DDB2: variants seen among roughly 807,000 people sequenced by gnomAD.
The protein encoded by DDB2 is DNA damage-binding protein 2.
Under a neutral mutation model 50.5 loss-of-function variants are expected in DDB2, and 27 were observed. The observed-to-expected ratio is 0.53, with a 90% CI of 0.39 to 0.74. The LOEUF is 0.74. DDB2 is among the 30% of genes least tolerant of loss of function. DDB2 has a pLI of 0.00. For synonymous variants in DDB2, 176 were observed against 205.5 expected, an observed-to-expected ratio of 0.86 and a Z score of 1.23; for missense variants, 424 against 545.6, an observed-to-expected ratio of 0.78 and a Z score of 2.22.
chr11:47,230,581 G>C (rs867613086), intron 3 of DDB2, among the ~76,000 whole-genome samples: 2 of 152,144 alleles, frequency 1.3e-5, no homozygotes, highest in African/African-American at 4.8e-5. Flanking sequence ...GGAGGGAGCC[G>C]AAGATTGTCA....
chr11:47,219,589 A>G (rs1222768033), intron 3 of DDB2, among the ~76,000 whole-genome samples: 1 of 151,972 alleles, frequency 6.6e-6, no homozygotes, highest in African/African-American at 2.4e-5. Context: ...GCCTCAAGCA[A>G]TCCTTCTGTC....
At chr11:47,226,976 T>G (rs1160153084) in intron 3 of DDB2, among the ~76,000 whole-genome samples, 1 of 152,008 alleles carries the variant, frequency 6.6e-6, no homozygotes, top group Non-Finnish European at 1.5e-5. Flanking sequence ...AAAAAATTTT[T>G]TTTTATAGAG....
chr11:47,219,155 C>T (rs1354041614), intron 3 of DDB2, among the ~76,000 whole-genome samples: 1 of 152,092 alleles, frequency 6.6e-6, no homozygotes, highest in Admixed American at 6.6e-5. Flanking sequence ...GTGTTAGCCA[C>T]GATGGTCTCT....
intron 3 of DDB2, 98 bp downstream of exon 3, chr11:47,217,147 G>A: frequency 9.8e-7 from 1 of 1,018,612 alleles, no homozygotes. Context: ...AGGCCAAGGT[G>A]GGTGGATCAC....
intron 3 of DDB2, chr11:47,220,743 C>T (rs1177186148): frequency 1.3e-5 from 2 of 152,240 alleles, no homozygotes; most frequent in African/African-American, 4.8e-5. Context: ...AACAGTGCCT[C>T]ATTTTGTCAC....
chr11:47,231,724 T>C (rs1174301149), intron 3 of DDB2, among the ~76,000 whole-genome samples: 1 of 151,538 alleles, frequency 6.6e-6, no homozygotes, highest in Non-Finnish European at 1.5e-5. Context: ...CTCCCTATAT[T>C]GCTTAGGCTG....
chr11:47,235,532 C>T (rs892728354), intron 7 of DDB2, 120 bp downstream of exon 7: 22 of 1,058,058 alleles, frequency 2.1e-5, no homozygotes, highest in East Asian at 2.1e-4. Flanking sequence ...GCTCCTGGCC[C>T]GAGCACAGAG....
At chr11:47,237,094 C>T (rs569354933) in intron 7 of DDB2, among the ~76,000 whole-genome samples, 2 of 152,304 alleles carry the variant, frequency 1.3e-5, no homozygotes, top group South Asian at 4.1e-4. Flanking sequence ...CAATTTTACA[C>T]TCAGCTCTTA....
chr11:47,228,642 C>CA (rs61273211), intron 3 of DDB2, among the ~76,000 whole-genome samples: 953 of 66,758 alleles, frequency 0.014, 15 homozygotes, highest in African/African-American at 0.038. Flanking sequence ...GACTCTGTCT[C>CA]AAAAAAAAAA....
intron 4 of DDB2, chr11:47,233,242 G>A (rs929272307): frequency 1.7e-5 from 8 of 475,458 alleles, no homozygotes; most frequent in Admixed American, 6.7e-5. Flanking sequence ...CCAGCATGGC[G>A]TGGACCCAGA....
At chr11:47,227,353 CGCCTCG>C (rs1322410594) in intron 3 of DDB2, among the ~76,000 whole-genome samples, 1 of 151,784 alleles carries the variant, frequency 6.6e-6, no homozygotes, top group Non-Finnish European at 1.5e-5. Flanking sequence ...GTGATCTACC[CGCCTCG>C]GCCTCCCAAA....
chr11:47,232,271 A>G (rs984025189), intron 3 of DDB2, among the ~76,000 whole-genome samples: 17 of 151,834 alleles, frequency 1.1e-4, no homozygotes, highest in Non-Finnish European at 2.1e-4. Context: ...TTGAACCTGG[A>G]AGGCAGAGGT....
At chr11:47,224,818 G>A (rs1335984165) in intron 3 of DDB2, among the ~76,000 whole-genome samples, 1 of 151,406 alleles carries the variant, frequency 6.6e-6, no homozygotes, top group Non-Finnish European at 1.5e-5. Flanking sequence ...TGCAGAGCAG[G>A]GCTGCTCCAT....
At chr11:47,219,798 A>G (rs1301340288) in intron 3 of DDB2, among the ~76,000 whole-genome samples, 2 of 149,364 alleles carry the variant, frequency 1.3e-5, no homozygotes, top group East Asian at 4.1e-4. Flanking sequence ...TTATTTGTTT[A>G]TTTTTTTGAG....
At chr11:47,235,569 T>G in intron 7 of DDB2, 157 bp downstream of exon 7, 1 of 721,682 alleles carries the variant, frequency 1.4e-6, no homozygotes, top group Non-Finnish European at 2.4e-6. Flanking sequence ...GCTCTCTCTC[T>G]TCCTTTTATC....
Position 47,215,120 on chromosome 11 carries a change from T to G in DDB2, c.-17T>G. 1 of 1,613,798 alleles carries G rather than the reference T, an allele frequency of 6.2e-7. No homozygotes were observed. On this transcript the variant is annotated 5_prime_UTR_variant, in exon 1 of 10. Coordinates refer to ENST00000256996, the MANE Select transcript of DDB2 (RefSeq NM_000107.3). Reference sequence around the variant, plus strand: ...ATCTTCGCATAGAGCACAGTACCCCTTCACACGGAGGACGCGATGGCTCCC... The same window carrying G: ...ATCTTCGCATAGAGCACAGTACCCCGTCACACGGAGGACGCGATGGCTCCC...
At chr11:47,216,152 G>A (rs904476753) in intron 1 of DDB2, 184 bp from the exon 2 acceptor site, 8 of 893,124 alleles carry the variant, frequency 9.0e-6, no homozygotes, top group Non-Finnish European at 1.5e-5. Context: ...TGGGGAAGGG[G>A]CCAAATCCTC....
At chr11:47,227,869 T>G (rs2633083) in intron 3 of DDB2, among the ~76,000 whole-genome samples, 1 of 151,884 alleles carries the variant, frequency 6.6e-6, no homozygotes, top group African/African-American at 2.4e-5. Flanking sequence ...TGGCCAGGCG[T>G]GGTGGATCAC....
chr11:47,235,415 G>C lies in DDB2; in HGVS notation c.1023+3G>C, dbSNP rs202149501. On this transcript the variant is annotated splice_donor_region_variant and intron_variant, in intron 7 of 9. Transcript: ENST00000256996. Reference sequence around the variant, plus strand: ...TCCAGCACCTCACACCCATCAAGGTGAGTGGCGGTGGGAAGGAGCTCGCAG... The same window carrying C: ...TCCAGCACCTCACACCCATCAAGGTCAGTGGCGGTGGGAAGGAGCTCGCAG... 2.5e-6 allele frequency: 4 copies of C among 1,611,308 alleles called. No homozygotes were observed. The highest frequency in any genetic ancestry group is 3.3e-5 in the Admixed American group (2 of 60,006).
Sources: gnomAD v4.1 joint callset for allele counts (sites outside exome capture counted in the v4.1 genomes callset) on GRCh38, gnomAD v4.1.1 for gene constraint, MANE v1.5 for transcripts, NCBI Gene and HGNC (gene_info 2026-07-23, HGNC 2026-07-21) for gene names.